GREB1L: variants seen among roughly 807,000 people sequenced by gnomAD.
GREB1L encodes GREB1-like protein.
GREB1L carries 17 observed loss-of-function variants against 200.8 expected under a neutral mutation model. The observed-to-expected ratio is 0.08, with a 90% CI of 0.06 to 0.13. GREB1L has a LOEUF of 0.13. GREB1L is among the 10% of genes least tolerant of loss of function. The pLI, the probability that GREB1L is intolerant of heterozygous loss-of-function variation, is 1.00. For synonymous variants in GREB1L, 789 were observed against 893.0 expected (o/e 0.88, Z 2.08); for missense variants, 1,657 against 2,367.7 (o/e 0.70, Z 6.23).
chr18:21,462,379 G>C (rs1397539775), intron 15 of GREB1L, among the ~76,000 whole-genome samples: 1 of 152,080 alleles, frequency 6.6e-6, no homozygotes, highest in Non-Finnish European at 1.5e-5. Context: ...GCTTATTTTT[G>C]AAAAACAAAA....
chr18:21,316,276 AGTAC>A (rs2038867472), intron 1 of GREB1L, among the ~76,000 whole-genome samples: 1 of 152,070 alleles, frequency 6.6e-6, no homozygotes, highest in Non-Finnish European at 1.5e-5. Flanking sequence ...GCCAGGCTGG[AGTAC>A]GTTGGCATTA....
chr18:21,351,033 A>G (rs1372118957), intron 1 of GREB1L, among the ~76,000 whole-genome samples: 1 of 152,104 alleles, frequency 6.6e-6, no homozygotes, highest in Admixed American at 6.6e-5. Context: ...GCAAGAGAGA[A>G]TGGGTAAGAT....
intron 28 of GREB1L, among the ~76,000 whole-genome samples, chr18:21,514,287 C>T (rs1257292868): frequency 1.3e-5 from 2 of 152,144 alleles, no homozygotes; most frequent in Admixed American, 1.3e-4. Flanking sequence ...GAGGCCAAGG[C>T]GGGCTGATCA....
intron 1 of GREB1L, among the ~76,000 whole-genome samples, chr18:21,260,468 A>C (rs2037871252): frequency 6.6e-6 from 1 of 151,984 alleles, no homozygotes; most frequent in Non-Finnish European, 1.5e-5. Flanking sequence ...TTAAACTGTT[A>C]GTCCTTTATA....
intron 1 of GREB1L, among the ~76,000 whole-genome samples, chr18:21,308,506 T>G (rs2038738644): frequency 6.6e-6 from 1 of 152,218 alleles, no homozygotes; most frequent in Non-Finnish European, 1.5e-5. Flanking sequence ...ACTATCACCG[T>G]CGTCATCATC....
At chr18:21,516,879 T>G in intron 30 of GREB1L, 125 bp downstream of exon 30, 3 of 676,626 alleles carry the variant, frequency 4.4e-6, no homozygotes, top group South Asian at 3.1e-5. Context: ...ACAAGGGAGT[T>G]TTTTTTTTTT....
At chr18:21,474,272 C>G (rs1259705845) in intron 16 of GREB1L, among the ~76,000 whole-genome samples, 1 of 152,166 alleles carries the variant, frequency 6.6e-6, no homozygotes, top group Non-Finnish European at 1.5e-5. Context: ...AAATCAAAAG[C>G]AAGTTAGTTA....
chr18:21,308,415 T>C (rs1385947624), intron 1 of GREB1L, among the ~76,000 whole-genome samples: 2 of 152,242 alleles, frequency 1.3e-5, no homozygotes, highest in Admixed American at 1.3e-4. Flanking sequence ...TTCACAGTCC[T>C]GGACCAGACA....
intron 1 of GREB1L, among the ~76,000 whole-genome samples, chr18:21,251,625 A>C (rs1481262691): frequency 6.6e-6 from 1 of 152,206 alleles, no homozygotes; most frequent in Non-Finnish European, 1.5e-5. Flanking sequence ...AGATTGGGGA[A>C]AAAAATCTGT....
At chr18:21,284,152 G>A (rs1360480208) in intron 1 of GREB1L, among the ~76,000 whole-genome samples, 2 of 151,940 alleles carry the variant, frequency 1.3e-5, no homozygotes, top group Non-Finnish European at 2.9e-5. Flanking sequence ...TGATTCAATG[G>A]TCTGTTAAAA....
At chr18:21,507,172 TA>T (rs1179955638) in intron 25 of GREB1L, among the ~76,000 whole-genome samples, 9 of 152,324 alleles carry the variant, frequency 5.9e-5, no homozygotes, top group Middle Eastern at 3.4e-3. Context: ...TGCTTTGAAA[TA>T]AGCTCATAAA....
chr18:21,505,830 G>A lies in GREB1L; in HGVS notation c.4249G>A (p.Val1417Ile). 1 of 1,551,818 alleles carries A rather than the reference G, an allele frequency of 6.4e-7. No homozygotes were observed. The highest frequency in any genetic ancestry group is 2.4e-5 in the East Asian group (1 of 40,920). ...CACAGAAGTGATAAAGGAATCCAAAGTTGAAGAGCCCAGGAAACGGGAAAC... is the reference window on the plus strand; with the variant it reads ...CACAGAAGTGATAAAGGAATCCAAAATTGAAGAGCCCAGGAAACGGGAAAC... ...VKQEVIKESK[V>I]EEPRKRETVS... Residue 1417 changes from valine to isoleucine, a missense_variant, in exon 25 of 33, where the codon GTT (valine) becomes ATT (isoleucine). Transcript: ENST00000424526.
chr18:21,414,999 T>C (rs953508768), intron 7 of GREB1L, among the ~76,000 whole-genome samples: 1 of 151,974 alleles, frequency 6.6e-6, no homozygotes, highest in African/African-American at 2.4e-5. Flanking sequence ...GACCATGATA[T>C]AGGGAGAGGA....
At chr18:21,310,695 A>G (rs553593100) in intron 1 of GREB1L, among the ~76,000 whole-genome samples, 1 of 152,336 alleles carries the variant, frequency 6.6e-6, no homozygotes, top group South Asian at 2.1e-4. Flanking sequence ...AACTACTGCT[A>G]AACCGAAAAG....
chr18:21,485,643 G>C lies in GREB1L; in HGVS notation c.2580G>C (p.Lys860Asn), dbSNP rs2036099537. 2 of 1,551,476 alleles carry C rather than the reference G, an allele frequency of 1.3e-6. No individual in the cohort carries two copies. The highest frequency in any genetic ancestry group is 2.7e-5 in the African/African-American group (2 of 73,056). The change falls in exon 18 of 33, where the codon AAG (lysine) becomes AAC (asparagine). Residue 860 changes from lysine (K) to asparagine (N), a missense_variant. By Grantham distance (94) the Lys-to-Asn change is moderately conservative (BLOSUM62 0). Around this residue, in one of 9 missense-constraint regions of GREB1L, gnomAD observed 239 missense variants for 421.8 expected, o/e 0.57. Coordinates refer to ENST00000424526, the MANE Select transcript of GREB1L (RefSeq NM_001142966.3). The stretch of plus-strand genomic sequence containing the variant: ...AGGAGGACGTGGGCTGCGAGGAGAA[G>C]CTGTACTTTGGCTTGAGTGAGTACA... ...DTGEDVGCEE[K>N]LYFGLSEYSK...
At chr18:21,274,150 T>G (rs769429126) in intron 1 of GREB1L, among the ~76,000 whole-genome samples, 1 of 152,168 alleles carries the variant, frequency 6.6e-6, no homozygotes, top group Non-Finnish European at 1.5e-5. Context: ...GTCCATTTCT[T>G]GATTCACAGA....
chr18:21,508,028 A>C, intron 25 of GREB1L, 90 bp from the exon 26 acceptor site: 1 of 1,252,764 alleles, frequency 8.0e-7, no homozygotes, highest in East Asian at 2.5e-5. Context: ...GTTAGTTTCC[A>C]TCTCTTAATA....
chr18:21,418,659 A>T (rs1168062696), intron 7 of GREB1L, among the ~76,000 whole-genome samples: 1 of 151,950 alleles, frequency 6.6e-6, no homozygotes, highest in Non-Finnish European at 1.5e-5. Context: ...AGTAGCTGGG[A>T]TTACAGGTGC....
At chr18:21,377,419 A>G (rs972092961) in intron 2 of GREB1L, among the ~76,000 whole-genome samples, 1 of 152,152 alleles carries the variant, frequency 6.6e-6, no homozygotes, top group Non-Finnish European at 1.5e-5. Context: ...CTTTTTGTGA[A>G]AGGTTTCTTA....
Sources: gnomAD v4.1 joint callset for allele counts (sites outside exome capture counted in the v4.1 genomes callset) on GRCh38, gnomAD v4.1.1 for gene constraint, gnomAD v4.1.1 regional missense constraint, MANE v1.5 for transcripts, NCBI Gene and HGNC (gene_info 2026-07-23, HGNC 2026-07-21) for gene names.